Variants in CNTN5 observed in about 807,000 individuals in gnomAD.
CNTN5 encodes contactin 5.
CNTN5 carries 77 observed loss-of-function variants against 129.1 expected under a neutral mutation model. The ratio of observed to expected loss-of-function variants is 0.60; its 90% confidence interval spans 0.50 to 0.72. CNTN5 has a LOEUF of 0.72. CNTN5 is among the 30% of genes least tolerant of loss of function. The probability of loss-of-function intolerance (pLI) is 0.00; values close to 1 mark genes in which losing one functional copy is unlikely to be tolerated. For synonymous variants in CNTN5, 509 were observed against 465.6 expected, an observed-to-expected ratio of 1.09 and a Z score of -1.20; for missense variants, 1,478 against 1,328.8, an observed-to-expected ratio of 1.11 and a Z score of -1.75.
chr11:99,944,964 G>A (rs779965735), intron 7 of CNTN5, among the ~76,000 whole-genome samples: 4 of 152,026 alleles, frequency 2.6e-5, no homozygotes, highest in Non-Finnish European at 5.9e-5. Context: ...GAGGAAGGTG[G>A]GAGTGCATTC....
At chr11:99,818,569 G>T (rs562498052) in intron 3 of CNTN5, among the ~76,000 whole-genome samples, 53 of 151,206 alleles carry the variant, frequency 3.5e-4, no homozygotes, top group African/African-American at 1.2e-3. Flanking sequence ...AACTGCCAGA[G>T]TCTTAGAAGT....
At chr11:100,310,915 G>A (rs1488724237) in intron 21 of CNTN5, among the ~76,000 whole-genome samples, 1 of 151,904 alleles carries the variant, frequency 6.6e-6, no homozygotes. Context: ...GGATGATGAT[G>A]AAGAGATTAG....
intron 8 of CNTN5, among the ~76,000 whole-genome samples, chr11:99,964,517 A>C (rs868431581): frequency 1.2e-4 from 19 of 152,094 alleles, no homozygotes; most frequent in Admixed American, 5.2e-4. Context: ...CCCACTTGAT[A>C]GTGGTGGATA....
intron 1 of CNTN5, among the ~76,000 whole-genome samples, chr11:99,319,663 A>G (rs1470424748): frequency 6.6e-6 from 1 of 152,228 alleles, no homozygotes; most frequent in Non-Finnish European, 1.5e-5. Flanking sequence ...AGTTTCATGT[A>G]TACAAAGTAC....
intron 1 of CNTN5, among the ~76,000 whole-genome samples, chr11:99,213,472 A>C (rs901051027): frequency 7.1e-6 from 1 of 141,540 alleles, no homozygotes; most frequent in Non-Finnish European, 1.5e-5. Context: ...ATACGTGTGT[A>C]TATATACACA....
chr11:99,490,180 TTA>T (rs1382024505), intron 2 of CNTN5, among the ~76,000 whole-genome samples: 1 of 152,202 alleles, frequency 6.6e-6, no homozygotes, highest in Non-Finnish European at 1.5e-5. Flanking sequence ...GTGATATTAA[TTA>T]GTCTTAATAA....
chr11:99,672,164 C>T (rs1306709165), intron 3 of CNTN5, among the ~76,000 whole-genome samples: 2 of 152,086 alleles, frequency 1.3e-5, no homozygotes, highest in East Asian at 1.9e-4. Flanking sequence ...CTTCGAAAAC[C>T]CTACTCTGCC....
chr11:99,697,363 T>C (rs181312950), intron 3 of CNTN5, among the ~76,000 whole-genome samples: 1 of 151,594 alleles, frequency 6.6e-6, no homozygotes, highest in East Asian at 1.9e-4. Context: ...GTGATCAAGG[T>C]CATCATCAAC....
intron 16 of CNTN5, among the ~76,000 whole-genome samples, chr11:100,240,150 T>C (rs563351828): frequency 2.0e-5 from 3 of 152,318 alleles, no homozygotes; most frequent in South Asian, 2.1e-4. Context: ...CTGAACAAGA[T>C]AGTCTGCATT....
chr11:99,081,152 A>T (rs1054125600), intron 1 of CNTN5, among the ~76,000 whole-genome samples: 2 of 152,148 alleles, frequency 1.3e-5, no homozygotes, highest in South Asian at 4.1e-4. Context: ...CCCATTGTAC[A>T]TTGCTTTTTC....
intron 6 of CNTN5, among the ~76,000 whole-genome samples, chr11:99,886,715 C>G (rs1018059436): frequency 6.6e-6 from 1 of 152,080 alleles, no homozygotes; most frequent in Non-Finnish European, 1.5e-5. Flanking sequence ...ACAGTACATT[C>G]AGAAAATGAA....
At chr11:99,433,235 C>T (rs1324590251) in intron 2 of CNTN5, among the ~76,000 whole-genome samples, 6 of 151,922 alleles carry the variant, frequency 3.9e-5, no homozygotes. Flanking sequence ...AGAACCCAAT[C>T]TTGTTTAGAA....
In CNTN5 at chr11:100,308,394, A is replaced by G; in HGVS notation, c.2656A>G (p.Ser886Gly). 1 of 1,611,076 alleles carries G rather than the reference A, an allele frequency of 6.2e-7. No homozygotes were observed. The highest frequency in any genetic ancestry group is 8.5e-7 in the Non-Finnish European group (1 of 1,177,952). The part of the protein sequence containing the change: ...SAAPTDVKAT[S>G]VSVSEILVAW... ...TGCTCCCACAGATGTCAAGGCGACA[A>G]GTGTGTCTGTGTCAGAGATTCTTGT... The change falls in exon 21 of 25, where the codon AGT (serine) becomes GGT (glycine). Residue 886 changes from serine (S) to glycine (G), a missense_variant. By Grantham distance (56) the Ser-to-Gly change is moderately conservative. Coordinates refer to ENST00000524871, the MANE Select transcript of CNTN5 (RefSeq NM_014361.4).
chr11:100,130,527 C>T (rs1277629302), intron 13 of CNTN5, among the ~76,000 whole-genome samples: 10 of 152,060 alleles, frequency 6.6e-5, no homozygotes, highest in African/African-American at 1.9e-4. Context: ...GCCAAAGTAT[C>T]CAGTGGCAAA....
intron 1 of CNTN5, among the ~76,000 whole-genome samples, chr11:99,083,548 A>C (rs1288191872): frequency 1.3e-5 from 2 of 152,102 alleles, no homozygotes; most frequent in Non-Finnish European, 2.9e-5. Flanking sequence ...TTCTTTCTTC[A>C]TGACAACCTT....
intron 1 of CNTN5, among the ~76,000 whole-genome samples, chr11:99,082,122 C>T (rs1464032051): frequency 1.3e-5 from 2 of 151,706 alleles, no homozygotes; most frequent in African/African-American, 4.8e-5. Flanking sequence ...TACAGAATCA[C>T]CCCAGGTCCT....
intron 1 of CNTN5, among the ~76,000 whole-genome samples, chr11:99,130,625 C>T (rs960114079): frequency 2.0e-5 from 3 of 152,114 alleles, no homozygotes; most frequent in Admixed American, 1.3e-4. Context: ...TAGATATCTA[C>T]AGAACTCTCC....
chr11:99,502,673 C>T (rs1946470072), intron 2 of CNTN5, among the ~76,000 whole-genome samples: 1 of 152,104 alleles, frequency 6.6e-6, no homozygotes, highest in African/African-American at 2.4e-5. Context: ...GTTTTTATAG[C>T]AGTATGAACA....
At chr11:99,551,824 A>G (rs1948493928) in intron 2 of CNTN5, among the ~76,000 whole-genome samples, 1 of 152,178 alleles carries the variant, frequency 6.6e-6, no homozygotes, top group African/African-American at 2.4e-5. Context: ...TGGGAACATC[A>G]TCATATATGC....
Sources: allele counts gnomAD v4.1 joint callset (sites outside exome capture counted in the v4.1 genomes callset), GRCh38; gene constraint gnomAD v4.1.1; transcripts MANE v1.5; gene names NCBI Gene and HGNC (gene_info 2026-07-23, HGNC 2026-07-21).